ITCH: variants seen among roughly 807,000 people sequenced by gnomAD.
ITCH encodes E3 ubiquitin-protein ligase Itchy homolog.
In ITCH, 28 loss-of-function variants were observed where a neutral mutation model predicts 126.8. The ratio of observed to expected loss-of-function variants is 0.22; its 90% CI spans 0.16 to 0.30. The LOEUF (loss-of-function observed/expected upper bound fraction) is 0.30, where lower values mean the gene tolerates loss of function less well. ITCH is among the 10% of genes least tolerant of loss of function. ITCH has a pLI of 1.00. For synonymous variants in ITCH, 342 were observed against 340.0 expected (o/e 1.01, Z -0.06); for missense variants, 631 against 1,032.4 (o/e 0.61, Z 5.33).
At chr20:34,444,215 CAAT>C (rs1984138377) in intron 10 of ITCH, among the ~76,000 whole-genome samples, 2 of 152,156 alleles carry the variant, frequency 1.3e-5, no homozygotes, top group Non-Finnish European at 2.9e-5. Context: ...ATAATCAACA[CAAT>C]CAATTCTTTC....
At chr20:34,483,400 T>G (rs1055446405) in intron 20 of ITCH, among the ~76,000 whole-genome samples, 1 of 152,238 alleles carries the variant, frequency 6.6e-6, no homozygotes, top group Non-Finnish European at 1.5e-5. Context: ...TCCTCTTGAA[T>G]GCTTTGCTAC....
chr20:34,400,630 A>G (rs1299698999), intron 3 of ITCH, among the ~76,000 whole-genome samples: 1 of 147,632 alleles, frequency 6.8e-6, no homozygotes, highest in Admixed American at 7.1e-5. Context: ...AAAGTTAGAA[A>G]GAGAAAAAAA....
chr20:34,435,079 G>T (rs1052344102), intron 7 of ITCH, among the ~76,000 whole-genome samples: 2 of 151,860 alleles, frequency 1.3e-5, no homozygotes. Flanking sequence ...TTAAACCCAT[G>T]GTTTTACTAC....
chr20:34,461,342 T>C (rs1986480401), intron 13 of ITCH, among the ~76,000 whole-genome samples: 1 of 152,178 alleles, frequency 6.6e-6, no homozygotes, highest in Non-Finnish European at 1.5e-5. Context: ...GATGATACTC[T>C]GTTAGCAGTA....
At chr20:34,472,411 A>G (rs997918159) in intron 16 of ITCH, among the ~76,000 whole-genome samples, 1 of 151,040 alleles carries the variant, frequency 6.6e-6, no homozygotes, top group Non-Finnish European at 1.5e-5. Flanking sequence ...GAGTTAGTCT[A>G]CTATTCGCCT....
chr20:34,374,940 C>T (rs887373774), intron 2 of ITCH, among the ~76,000 whole-genome samples: 2 of 150,258 alleles, frequency 1.3e-5, no homozygotes, highest in African/African-American at 4.9e-5. Context: ...AGGGTTTCAT[C>T]ATTTTGGCCA....
intron 1 of ITCH, among the ~76,000 whole-genome samples, chr20:34,364,455 C>T (rs900758262): frequency 2.0e-5 from 3 of 152,068 alleles, no homozygotes; most frequent in African/African-American, 7.2e-5. Context: ...TATGTAAAGG[C>T]AGTGTATTTC....
chr20:34,403,395 G>T (rs2038951708), intron 3 of ITCH, among the ~76,000 whole-genome samples: 1 of 152,070 alleles, frequency 6.6e-6, no homozygotes, highest in Non-Finnish European at 1.5e-5. Flanking sequence ...TTAGTATGTG[G>T]GTATGTGTGA....
At chr20:34,494,916 G>A (rs1989752591) in intron 23 of ITCH, among the ~76,000 whole-genome samples, 1 of 151,682 alleles carries the variant, frequency 6.6e-6, no homozygotes, top group Non-Finnish European at 1.5e-5. Flanking sequence ...CCAAGGTCAT[G>A]CCACTGCACT....
chr20:34,401,593 T>TAATA (rs1350146902), intron 3 of ITCH: 1 of 961,346 alleles, frequency 1.0e-6, no homozygotes, highest in Non-Finnish European at 1.2e-6. Context: ...ATGAGGCATT[T>TAATA]ACTATACTCC....
At chr20:34,466,312 A>AT (rs779366970) in intron 14 of ITCH, 13 of 515,588 alleles carry the variant, frequency 2.5e-5, no homozygotes, top group Non-Finnish European at 4.0e-5. Flanking sequence ...TGCTGCTGAG[A>AT]TTTTTTTGCT....
chr20:34,467,677 C>CTTTT (rs1987200238), intron 14 of ITCH, among the ~76,000 whole-genome samples: 3 of 130,678 alleles, frequency 2.3e-5, no homozygotes, highest in African/African-American at 8.3e-5. Context: ...TTTTCTTTTT[C>CTTTT]ATTTTTTTTT....
rs1183723205 is a variant in ITCH, at chr20:34,390,781, A to G, written c.-21-3010A>G. Among the ~76,000 whole-genome samples, 6 of 136,320 alleles carry G rather than the reference A, an allele frequency of 4.4e-5. No individual in the cohort carries two copies. The East Asian group carries it at 6.5e-4, about 15-fold the overall frequency. The allele number at this position is 136,320 out of a possible 152,430, so 89.4% of individuals were successfully genotyped here. A position where few individuals can be genotyped will look rare whatever the true frequency, so the allele number is the denominator to read the frequency against. On this transcript the variant is annotated intron_variant, in intron 2 of 24. Transcript: ENST00000374864. Reference sequence around the variant, plus strand: ...TAATCTTTTTTTTTTCTTTTTTGAGATGGAGTTTTGCTCCTGTTGCCCAGG... The same window carrying G: ...TAATCTTTTTTTTTTCTTTTTTGAGGTGGAGTTTTGCTCCTGTTGCCCAGG...
In ITCH at chr20:34,479,776, G is replaced by T; in HGVS notation, c.1805G>T (p.Arg602Ile). Residue 602 changes from arginine to isoleucine, a missense_variant, in exon 18 of 25, where the codon AGA becomes ATA. Arg to Ile is a moderately conservative substitution (Grantham distance 97). Coordinates refer to ENST00000374864, the MANE Select transcript of ITCH (RefSeq NM_031483.7). Reference protein sequence around the residue: ...DHLKYFRFIGRFIAMALFHGK... With the variant: ...DHLKYFRFIGIFIAMALFHGK... ...CTGAAATATTTTCGTTTTATTGGCA[G>T]ATTTATTGCCATGGTAAGTGCAGGT... The T allele has an allele frequency of 6.2e-7, 1 of 1,613,698 alleles. No homozygotes were observed. Among genetic ancestry groups the T allele is most frequent in the Non-Finnish European group, 8.5e-7 (1 of 1,179,832 alleles).
intron 6 of ITCH, among the ~76,000 whole-genome samples, chr20:34,418,154 A>C (rs572025268): frequency 1.8e-4 from 28 of 151,504 alleles, no homozygotes; most frequent in African/African-American, 6.8e-4. Flanking sequence ...TTTTGTAGAC[A>C]GGTTCTCACT....
Position 34,425,666 on chromosome 20 carries a change from T to C in ITCH, c.521+1141T>C, listed in dbSNP as rs372276800. Among the ~76,000 whole-genome samples the C allele has an allele frequency of 3.7e-4, 56 of 152,346 alleles. No individual in the cohort carries two copies. In the South Asian group the frequency reaches 4.6e-3, roughly 12 times the overall value. ...TGTAAAGTGAAACATAAATCTAGCCTCTGTGCACATCCAGACATAGTACCT... is the reference window on the plus strand; with the variant it reads ...TGTAAAGTGAAACATAAATCTAGCCCCTGTGCACATCCAGACATAGTACCT... On this transcript the variant is annotated intron_variant, in intron 7 of 24. Transcript: ENST00000374864.
intron 16 of ITCH, among the ~76,000 whole-genome samples, chr20:34,473,812 T>C (rs966584459): frequency 2.6e-5 from 4 of 152,220 alleles, no homozygotes; most frequent in African/African-American, 9.6e-5. Flanking sequence ...AATATTTTTG[T>C]CCATACACAT....
At chr20:34,429,305 A>G (rs1312352974) in intron 7 of ITCH, among the ~76,000 whole-genome samples, 2 of 152,154 alleles carry the variant, frequency 1.3e-5, no homozygotes, top group Non-Finnish European at 2.9e-5. Flanking sequence ...TACTGTATAG[A>G]TTTCCGGATT....
At chr20:34,424,126 A>G (rs2146218758) in intron 6 of ITCH, among the ~76,000 whole-genome samples, 1 of 152,282 alleles carries the variant, frequency 6.6e-6, no homozygotes, top group East Asian at 1.9e-4. Context: ...GGCGATCAGC[A>G]CTTTTTTATG....
Sources: gnomAD v4.1 joint callset for allele counts (sites outside exome capture counted in the v4.1 genomes callset) on GRCh38, gnomAD v4.1.1 for gene constraint, MANE v1.5 for transcripts, NCBI Gene and HGNC (gene_info 2026-07-23, HGNC 2026-07-21) for gene names.